QRICH1: variants seen among roughly 807,000 people sequenced by gnomAD.
QRICH1 encodes the protein glutamine rich 1, also known as transcriptional regulator QRICH1.
A neutral mutation model predicts 87.1 loss-of-function variants in QRICH1; 16 were observed. The ratio of observed to expected loss-of-function variants is 0.18; its 90% CI spans 0.12 to 0.28. The LOEUF (loss-of-function observed/expected upper bound fraction) is 0.28, where lower values mean the gene tolerates loss of function less well. Ranked by LOEUF, QRICH1 falls within the 10% of genes least tolerant of loss-of-function variation. The probability of loss-of-function intolerance (pLI) is 1.00; values close to 1 mark genes in which losing one functional copy is unlikely to be tolerated. For synonymous variants in QRICH1, 367 were observed against 368.4 expected, an observed-to-expected ratio of 1.00 and a Z score of 0.05; for missense variants, 647 against 951.7, an observed-to-expected ratio of 0.68 and a Z score of 4.21.
intron 2 of QRICH1, among the ~76,000 whole-genome samples, chr3:49,069,044 GAAC>G (rs1436571700): frequency 6.6e-6 from 1 of 150,396 alleles, no homozygotes. Flanking sequence ...AAGACTTTTA[GAAC>G]TACTTGAATA....
chr3:49,071,777 T>G (rs1464898145), intron 2 of QRICH1, among the ~76,000 whole-genome samples: 1 of 152,174 alleles, frequency 6.6e-6, no homozygotes, highest in Non-Finnish European at 1.5e-5. Context: ...GCTGCAACCA[T>G]GACCTCCCAG....
intron 2 of QRICH1, among the ~76,000 whole-genome samples, chr3:49,070,932 G>C (rs1046537379): frequency 6.6e-6 from 1 of 151,960 alleles, no homozygotes; most frequent in African/African-American, 2.4e-5. Flanking sequence ...CTGAGACAGA[G>C]TCTGCTCTGT....
chr3:49,051,308 A>C (rs776610064), intron 3 of QRICH1, among the ~76,000 whole-genome samples: 6 of 151,968 alleles, frequency 3.9e-5, no homozygotes, highest in Non-Finnish European at 5.9e-5. Context: ...CACATCCAAC[A>C]ATGTCACTCA....
At chr3:49,079,233 A>T (rs1030589191) in intron 1 of QRICH1, among the ~76,000 whole-genome samples, 1 of 151,366 alleles carries the variant, frequency 6.6e-6, no homozygotes, top group African/African-American at 2.4e-5. Flanking sequence ...AACTCTGTCT[A>T]AAAAAAACAA....
At chr3:49,082,997 G>A (rs1196267291) in intron 1 of QRICH1, among the ~76,000 whole-genome samples, 2 of 151,520 alleles carry the variant, frequency 1.3e-5, no homozygotes, top group African/African-American at 2.4e-5. Flanking sequence ...ACCTGAGGTC[G>A]GGAGTTCGAG....
intron 6 of QRICH1, among the ~76,000 whole-genome samples, chr3:49,037,711 A>G (rs1173998481): frequency 1.3e-5 from 2 of 151,704 alleles, no homozygotes; most frequent in Non-Finnish European, 2.9e-5. Flanking sequence ...CAACGTGGGC[A>G]AGAGAGAGAG....
chr3:49,043,294 G>C (rs1315148768), intron 6 of QRICH1, among the ~76,000 whole-genome samples: 1 of 151,166 alleles, frequency 6.6e-6, no homozygotes, highest in Non-Finnish European at 1.5e-5. Context: ...TCAGGAGTTC[G>C]AGACCACCAT....
chr3:49,056,257 C>T (rs2093401752), intron 3 of QRICH1, among the ~76,000 whole-genome samples: 1 of 152,162 alleles, frequency 6.6e-6, no homozygotes, highest in South Asian at 2.1e-4. Flanking sequence ...TACAGAAGTG[C>T]ACCACCTCGC....
intron 2 of QRICH1, among the ~76,000 whole-genome samples, chr3:49,071,714 C>T (rs117742581): frequency 1.3e-5 from 2 of 152,202 alleles, no homozygotes; most frequent in East Asian, 1.9e-4. Context: ...TTTTGAGACA[C>T]CTTTCCTGTC....
chr3:49,047,190 T>C lies in QRICH1; in HGVS notation c.1395A>G (p.Pro465=), dbSNP rs2093343547. 5 of 1,614,222 alleles carry C rather than the reference T, an allele frequency of 3.1e-6. No homozygotes were observed. The highest frequency in any genetic ancestry group is 4.2e-6 in the Non-Finnish European group (5 of 1,180,042). The change falls in exon 4 of 10, where the codon CCA becomes CCG. Residue 465 remains proline, a synonymous_variant. Coordinates refer to ENST00000395443, the MANE Select transcript of QRICH1 (RefSeq NM_198880.3). ...VEPQSQPQPS[P]ELLLPNSLKP... is the part of the protein sequence containing the mutation. ...TCAAAGAATTTGGAAGCAGAAGTTC[T>C]GGGGAAGGCTGTGGCTGTGACTGTG...
intron 2 of QRICH1, among the ~76,000 whole-genome samples, chr3:49,062,370 C>T (rs1453704592): frequency 3.5e-5 from 5 of 144,414 alleles, no homozygotes; most frequent in African/African-American, 1.3e-4. Context: ...TTGGTGTAGT[C>T]GCTTTTTTTT....
At chr3:49,074,193 T>A (rs2041904367) in intron 2 of QRICH1, among the ~76,000 whole-genome samples, 1 of 152,188 alleles carries the variant, frequency 6.6e-6, no homozygotes, top group African/African-American at 2.4e-5. Flanking sequence ...TTTCCATTTT[T>A]AAATTAATTT....
chr3:49,047,368 T>C, intron 3 of QRICH1, 122 bp from the exon 4 acceptor site: 1 of 962,916 alleles, frequency 1.0e-6, no homozygotes, highest in East Asian at 2.6e-5. Context: ...TACTCATTGC[T>C]GTCCTACTTT....
chr3:49,042,517 G>C (rs1482721816), intron 6 of QRICH1, among the ~76,000 whole-genome samples: 2 of 152,046 alleles, frequency 1.3e-5, no homozygotes, highest in African/African-American at 4.8e-5. Context: ...TGTGAAGATA[G>C]TAAAAACATC....
intron 2 of QRICH1, among the ~76,000 whole-genome samples, chr3:49,074,956 G>A (rs146760432): frequency 1.3e-5 from 2 of 152,194 alleles, no homozygotes; most frequent in East Asian, 1.9e-4. Flanking sequence ...TCCAGCCTGG[G>A]CAACAGAGCG....
At chr3:49,039,000 C>T (rs2093293436) in intron 6 of QRICH1, among the ~76,000 whole-genome samples, 2 of 152,034 alleles carry the variant, frequency 1.3e-5, no homozygotes, top group African/African-American at 4.8e-5. Flanking sequence ...GCACTCCAGC[C>T]TGGAAGACAA....
intron 3 of QRICH1, among the ~76,000 whole-genome samples, chr3:49,056,365 T>A (rs947744854): frequency 2.6e-5 from 4 of 152,210 alleles, no homozygotes; most frequent in Admixed American, 6.6e-5. Flanking sequence ...AGGCTCCTTA[T>A]GAGTTATTTT....
intron 3 of QRICH1, among the ~76,000 whole-genome samples, chr3:49,048,127 T>C (rs1003748233): frequency 6.5e-5 from 6 of 92,040 alleles, no homozygotes; most frequent in African/African-American, 2.1e-4. Context: ...CATTTCTTTC[T>C]TTCTTTTTTT....
chr3:49,058,334 C>CT (rs1286612086), intron 2 of QRICH1, among the ~76,000 whole-genome samples: 31 of 141,666 alleles, frequency 2.2e-4, no homozygotes, highest in East Asian at 1.4e-3. Flanking sequence ...AACTTTGGTT[C>CT]TTTTTTTTTT....
Sources: gnomAD v4.1 joint callset for allele counts (sites outside exome capture counted in the v4.1 genomes callset) on GRCh38, gnomAD v4.1.1 for gene constraint, MANE v1.5 for transcripts, NCBI Gene and HGNC (gene_info 2026-07-23, HGNC 2026-07-21) for gene names.